Variants in MST1R observed in about 807,000 individuals in gnomAD.
MST1R encodes macrophage stimulating 1 receptor.
In MST1R, 99 loss-of-function variants were observed where a neutral mutation model predicts 117.8. That is an observed-to-expected ratio of 0.84 (90% CI 0.71 to 0.99). MST1R has a LOEUF of 0.99. Ranked by LOEUF, MST1R falls within the 50% of genes least tolerant of loss-of-function variation. The pLI is 0.00. For synonymous variants in MST1R, 734 were observed against 765.3 expected (o/e 0.96, Z 0.68); for missense variants, 1,683 against 1,840.2 (o/e 0.91, Z 1.56).
rs775921645 is a variant in MST1R at position 49,903,544 on chromosome 3, C to A, written c.66G>T (p.Ala22=). ...GCGGGCACTGCCAGTCCTCGCCCGC[C>A]GCGGGCTTGGCAGGCAACAGCAGCA... is the stretch of plus-strand genomic sequence containing the variant. ...LLLLLLPAKP[A]AGEDWQCPRT... The change falls in exon 1 of 20, where the codon GCG becomes GCT. Residue 22 remains alanine, a synonymous_variant. Transcript: ENST00000296474. 6.3e-7 allele frequency: 1 copy of A among 1,598,972 alleles called. No individual in the cohort carries two copies. The highest frequency in any genetic ancestry group is 8.5e-7 in the Non-Finnish European group (1 of 1,176,804).
In MST1R at chr3:49,899,428, GCT is replaced by G. The variant is rs932770025; in HGVS notation, c.1231-167_1231-166del. 8.6e-6 allele frequency: 6 copies of G among 701,742 alleles called. No homozygotes were observed. In the African/African-American group the frequency reaches 1.1e-4, roughly 13 times the overall value. The allele number at this position is 701,742 out of a possible 1,614,324, so 43.5% of individuals were successfully genotyped here. On this transcript the variant is annotated intron_variant, in intron 1 of 19. Transcript: ENST00000296474. ...TACCATCCCACATTGCCCCCACAGG[GCT>G]CTCAGTGTAGCAAGGGCAGGGAGAA...
intron 14 of MST1R, among the ~76,000 whole-genome samples, chr3:49,893,449 C>T (rs2108409058): frequency 6.6e-6 from 1 of 150,820 alleles, no homozygotes; most frequent in South Asian, 2.1e-4. Context: ...ACTAAAAATA[C>T]AAAAATTAGC....
chr3:49,887,265 G>T lies in MST1R; in HGVS notation c.*42C>A. 12 of 1,605,696 alleles carry T rather than the reference G, an allele frequency of 7.5e-6. No homozygotes were observed. Among genetic ancestry groups the T allele is most frequent in the Non-Finnish European group, 1.0e-5 (12 of 1,175,492 alleles). ...TGGCATGGCCCAGAGGCAGCTTGGG[G>T]TTAGCTCAAGGCAGCTAAGCAGGTC... On this transcript the variant is annotated 3_prime_UTR_variant, in exon 20 of 20. Coordinates refer to ENST00000296474, the MANE Select transcript of MST1R (RefSeq NM_002447.4).
intron 7 of MST1R, 44 bp from the exon 8 acceptor site, chr3:49,896,934 T>C (rs1247925494): frequency 1.5e-5 from 22 of 1,453,064 alleles, no homozygotes; most frequent in Non-Finnish European, 1.8e-5. Context: ...CTCTTTGTGA[T>C]GGCCAGGCCC....
intron 17 of MST1R, 61 bp downstream of exon 17, chr3:49,891,136 G>C: frequency 2.0e-6 from 3 of 1,480,534 alleles, no homozygotes; most frequent in Non-Finnish European, 2.8e-6. Context: ...AGGCGGCCTT[G>C]AGCACCGCAC....
intron 7 of MST1R, 139 bp downstream of exon 7, chr3:49,897,141 C>A: frequency 1.5e-6 from 2 of 1,314,340 alleles, no homozygotes; most frequent in Admixed American, 2.3e-5. Context: ...CTGAAGAGGG[C>A]AGTAGTCTTT....
In MST1R at chr3:49,899,148, G is replaced by A. The variant is rs760832967; in HGVS notation, c.1346C>T (p.Thr449Ile). ...GTCAAGGCGTGTCACATACAATGCA[G>A]TGACCTGTACTGGTCCCAACAGCCC... ...FNGLLGPVQV[T>I]ALYVTRLDNV... The change falls in exon 2 of 20, where the codon ACT becomes ATT. Residue 449 changes from threonine (T) to isoleucine (I), a missense_variant. Coordinates refer to ENST00000296474, the MANE Select transcript of MST1R (RefSeq NM_002447.4). The A allele has an allele frequency of 3.1e-6, 5 of 1,614,050 alleles. No homozygotes were observed. In the African/African-American group the frequency reaches 6.7e-5, roughly 22 times the overall value.
chr3:49,891,083 G>C, intron 17 of MST1R, 114 bp downstream of exon 17: 1 of 943,816 alleles, frequency 1.1e-6, no homozygotes, highest in South Asian at 1.5e-5. Flanking sequence ...AAAAAAGTAA[G>C]GTGCAGAGAG....
At chr3:49,891,990 G>T in intron 14 of MST1R, 152 bp from the exon 15 acceptor site, 1 of 551,762 alleles carries the variant, frequency 1.8e-6, no homozygotes. Flanking sequence ...TTTTGAGACC[G>T]AGTCTCACTC....
At chr3:49,895,146 A>G (rs368739792) in intron 14 of MST1R, 21 bp downstream of exon 14, 1 of 1,612,976 alleles carries the variant, frequency 6.2e-7, no homozygotes, top group African/African-American at 1.3e-5. Context: ...TCTCTGCCCC[A>G]GCCCCACCTG....
chr3:49,892,106 G>A (rs2082333740), intron 14 of MST1R, among the ~76,000 whole-genome samples: 1 of 151,884 alleles, frequency 6.6e-6, no homozygotes, highest in South Asian at 2.1e-4. Flanking sequence ...TGGGATTACA[G>A]GCAACTGCCA....
Position 49,897,277 on chromosome 3 carries a change from T to C in MST1R, c.2183+3A>G, listed in dbSNP as rs758716793. The C allele has an allele frequency of 6.3e-7, 1 of 1,599,490 alleles. No individual in the cohort carries two copies. Among genetic ancestry groups the C allele is most frequent in the African/African-American group, 1.3e-5 (1 of 74,476 alleles). On this transcript the variant is annotated splice_donor_region_variant and intron_variant, in intron 7 of 19. Transcript: ENST00000296474. ...CCTCCCATGCCTGCCTGGTGGTACT[T>C]ACCGTGCTAGCAGACACTCAGTCCC... is the stretch of plus-strand genomic sequence containing the variant.
chr3:49,894,302 C>G (rs2082403177), intron 14 of MST1R, among the ~76,000 whole-genome samples: 1 of 151,934 alleles, frequency 6.6e-6, no homozygotes, highest in Non-Finnish European at 1.5e-5. Flanking sequence ...GTGGCTCATG[C>G]CTGTAATCCC....
chr3:49,896,563 C>G lies in MST1R; in HGVS notation c.2416G>C (p.Gly806Arg), dbSNP rs528906916. 6.2e-7 allele frequency: 1 copy of G among 1,614,152 alleles called. No individual in the cohort carries two copies. The highest frequency in any genetic ancestry group is 8.5e-7 in the Non-Finnish European group (1 of 1,180,018). The change falls in exon 9 of 20, where the codon GGG (glycine) becomes CGG (arginine). Residue 806 changes from glycine (G) to arginine (R), a missense_variant. Gly to Arg is a moderately radical substitution (Grantham distance 125, BLOSUM62 -2). Transcript: ENST00000296474. ...AWHLVLSFHD[G>R]LRAVESRCER... ...ACCCTGCTTTCCACTGCCCTAAGCC[C>G]GTCATGGAATGACAGCACTAAGTGC...
At chr3:49,897,156 C>T (rs1575440665) in intron 7 of MST1R, 124 bp downstream of exon 7, 4 of 1,405,270 alleles carry the variant, frequency 2.8e-6, no homozygotes, top group East Asian at 2.3e-5. Context: ...GTCTTTTCTT[C>T]CTGGACCTGC....
At position 49,903,035 on chromosome 3, in the gene MST1R, C is replaced by A. The variant is rs745956869; in HGVS notation, c.575G>T (p.Gly192Val). The change falls in exon 1 of 20, where the codon GGC becomes GTC. Residue 192 changes from glycine (G) to valine (V), a missense_variant. Transcript: ENST00000296474. ...LGTRVTVVEQGQASYFYVASS... is the reference protein window; with the variant it reads ...LGTRVTVVEQVQASYFYVASS... ...TGCCACGTAGAAATAGGAGGCCTGG[C>A]CTTGCTCAACCACAGTTACACGGGT... The A allele has an allele frequency of 2.5e-6, 4 of 1,611,974 alleles. No homozygotes were observed. The highest frequency in any genetic ancestry group is 3.4e-6 in the Non-Finnish European group (4 of 1,180,042).
rs1230616153 is a variant in MST1R, at chr3:49,887,118, A to G, written c.*189T>C. 2.8e-6 allele frequency: 2 copies of G among 726,062 alleles called. No homozygotes were observed. Among genetic ancestry groups the G allele is most frequent in the East Asian group, 2.7e-5 (1 of 37,660 alleles). 45.0% of individuals were successfully genotyped at this position (726,062 alleles called of 1,614,324 possible). A position where few individuals can be genotyped will look rare whatever the true frequency, so the allele number is the denominator to read the frequency against. On this transcript the variant is annotated 3_prime_UTR_variant, in exon 20 of 20. Coordinates refer to ENST00000296474, the MANE Select transcript of MST1R (RefSeq NM_002447.4). ...TCCACAGCAGGCACTCCATAAATAC[A>G]TGTTGCAGGACTGCCCTCACTGGCT...
At chr3:49,892,071 C>G (rs1559469821) in intron 14 of MST1R, 1 of 328,408 alleles carries the variant, frequency 3.0e-6, no homozygotes, top group Non-Finnish European at 5.6e-6. Flanking sequence ...TCAAGTGATT[C>G]TCCTGCCTCA....
rs1486843643 is a variant in MST1R at position 49,896,318 on chromosome 3, C to T, written c.2526G>A (p.Leu842=). 1 of 1,614,146 alleles carries T rather than the reference C, an allele frequency of 6.2e-7. No homozygotes were observed. Among genetic ancestry groups the T allele is most frequent in the Non-Finnish European group, 8.5e-7 (1 of 1,180,022 alleles). ...RDPQGWVAGN[L]SARGDGAAGF... ...CAGCAGCTCCATCCCCTCGGGCACTCAGATTCCCTGCCACCCATCCCTGGG... is the reference window on the plus strand; with the variant it reads ...CAGCAGCTCCATCCCCTCGGGCACTTAGATTCCCTGCCACCCATCCCTGGG... Residue 842 remains leucine, a synonymous_variant, in exon 10 of 20, where the codon CTG becomes CTA. Coordinates refer to ENST00000296474, the MANE Select transcript of MST1R (RefSeq NM_002447.4).
Sources: gnomAD v4.1 joint callset for allele counts (sites outside exome capture counted in the v4.1 genomes callset) on GRCh38, gnomAD v4.1.1 for gene constraint, MANE v1.5 for transcripts, NCBI Gene and HGNC (gene_info 2026-07-23, HGNC 2026-07-21) for gene names.